LNPK: variants seen among roughly 807,000 people sequenced by gnomAD.
The protein encoded by LNPK is endoplasmic reticulum junction formation protein lunapark.
A neutral mutation model predicts 55.2 loss-of-function variants in LNPK; 29 were observed. That is an observed-to-expected ratio of 0.53 (90% confidence interval 0.39 to 0.72). The LOEUF (loss-of-function observed/expected upper bound fraction) is 0.72. Ranked by LOEUF, LNPK falls within the 30% of genes least tolerant of loss-of-function variation. The probability of loss-of-function intolerance (pLI) is 0.00; values close to 1 mark genes in which losing one functional copy is unlikely to be tolerated. For synonymous variants in LNPK, 162 were observed against 168.2 expected (o/e 0.96, Z 0.29); for missense variants, 467 against 494.8 (o/e 0.94, Z 0.53).
chr2:175,930,023 C>CA lies in LNPK; in HGVS notation c.1230dup (p.Gly411TrpfsTer3). 1 of 1,614,054 alleles carries CA rather than the reference C, an allele frequency of 6.2e-7. No homozygotes were observed. The highest frequency in any genetic ancestry group is 1.1e-5 in the South Asian group (1 of 91,080). ...TCAGGATCAGGAATAGAATCAGCTCCAGGAACTGTGGAGTTGGTTTCAATC... is the reference window on the plus strand; with the variant it reads ...TCAGGATCAGGAATAGAATCAGCTCCAAGGAACTGTGGAGTTGGTTTCAATC... On this transcript the variant is annotated frameshift_variant, in exon 13 of 13. Transcript: ENST00000272748. LOFTEE classifies it high-confidence loss of function.
intron 8 of LNPK, 118 bp downstream of exon 8, chr2:175,964,254 T>C (rs1686215574): frequency 1.4e-6 from 1 of 696,084 alleles, no homozygotes; most frequent in Non-Finnish European, 2.5e-6. Context: ...TTACCAAATA[T>C]AAATTTACAC....
At chr2:175,939,871 T>C (rs1447661461) in intron 9 of LNPK, 2 of 388,338 alleles carry the variant, frequency 5.2e-6, no homozygotes, top group African/African-American at 4.2e-5. Flanking sequence ...ATATTAGAAC[T>C]ACCTTTGCTA....
At chr2:175,999,452 C>T (rs1014268527) in intron 1 of LNPK, among the ~76,000 whole-genome samples, 20 of 152,214 alleles carry the variant, frequency 1.3e-4, no homozygotes, top group African/African-American at 4.3e-4. Context: ...GTATTCTAAC[C>T]TGTTTACAAC....
intron 4 of LNPK, among the ~76,000 whole-genome samples, chr2:175,990,264 T>A (rs1382362440): frequency 1.3e-5 from 2 of 152,006 alleles, no homozygotes; most frequent in African/African-American, 4.8e-5. Flanking sequence ...ATGGCGAGAG[T>A]TTGCCCTCTA....
rs184226632 is a variant in LNPK, at chr2:175,972,978, G to A, written c.317-2174C>T. Among the ~76,000 whole-genome samples the A allele has an allele frequency of 4.6e-5, 7 of 152,200 alleles. No individual in the cohort carries two copies. The East Asian group carries it at 5.8e-4, about 13-fold the overall frequency. ...TCTACTGGAACTATAATTTCACCTCGGATAATGCATCTGCTACAAATTTGT... is the reference window on the plus strand; with the variant it reads ...TCTACTGGAACTATAATTTCACCTCAGATAATGCATCTGCTACAAATTTGT... On this transcript the variant is annotated intron_variant, in intron 5 of 12. Transcript: ENST00000272748.
intron 6 of LNPK, among the ~76,000 whole-genome samples, chr2:175,968,774 G>A (rs981367533): frequency 1.3e-5 from 2 of 151,786 alleles, no homozygotes; most frequent in African/African-American, 2.4e-5. Context: ...CAGATTAAAG[G>A]GATGCATCCC....
chr2:175,972,802 T>C (rs542246981), intron 5 of LNPK, among the ~76,000 whole-genome samples: 1 of 152,358 alleles, frequency 6.6e-6, no homozygotes, highest in South Asian at 2.1e-4. Flanking sequence ...TAAAATTCTA[T>C]TAGATTCTTC....
rs1289542587 is a variant in LNPK at position 175,929,060 on chromosome 2, T to A, written c.*907A>T. The A allele has an allele frequency of 5.1e-6, 5 of 971,076 alleles. No individual in the cohort carries two copies. Among genetic ancestry groups the A allele is most frequent in the African/African-American group, 1.8e-5 (1 of 56,886 alleles). The allele number at this position is 971,076 out of a possible 1,614,324, so 60.2% of individuals were successfully genotyped here. A position where few individuals can be genotyped will look rare whatever the true frequency, so the allele number is the denominator to read the frequency against. Reference sequence around the variant, plus strand: ...GCTATTCCTCCTAAGATTTTTCAGGTAGCCAAGTCACCCACCAAGATACTG... The same window carrying A: ...GCTATTCCTCCTAAGATTTTTCAGGAAGCCAAGTCACCCACCAAGATACTG... On this transcript the variant is annotated 3_prime_UTR_variant, in exon 13 of 13. Coordinates refer to ENST00000272748, the MANE Select transcript of LNPK (RefSeq NM_030650.3).
Position 175,925,124 on chromosome 2 carries a change from A to T in LNPK, c.*4843T>A, listed in dbSNP as rs1414521999. The T allele has an allele frequency of 6.6e-6, 1 of 152,184 alleles. No individual in the cohort carries two copies. The highest frequency in any genetic ancestry group is 1.5e-5 in the Non-Finnish European group (1 of 68,026). 9.4% of individuals were successfully genotyped at this position (152,184 alleles called of 1,614,324 possible). A position where few individuals can be genotyped will look rare whatever the true frequency, so the allele number is the denominator to read the frequency against. On this transcript the variant is annotated 3_prime_UTR_variant, in exon 13 of 13. Coordinates refer to ENST00000272748, the MANE Select transcript of LNPK (RefSeq NM_030650.3). ...CATACTATATTTTATGAAAATCATC[A>T]TATAATCAGAATATCTTTCCCCTGA...
At chr2:175,947,134 C>T (rs928468004) in intron 9 of LNPK, among the ~76,000 whole-genome samples, 3 of 151,976 alleles carry the variant, frequency 2.0e-5, no homozygotes, top group Non-Finnish European at 4.4e-5. Context: ...CAATACATTC[C>T]AAAAGTGTTT....
chr2:175,924,696 A>AG lies in LNPK; in HGVS notation c.*5270_*5271insC. The AG allele has an allele frequency of 4.4e-5, 1 of 22,976 alleles. No homozygotes were observed. Among genetic ancestry groups the AG allele is most frequent in the African/African-American group, 1.5e-4 (1 of 6,846 alleles). The allele number at this position is 22,976 out of a possible 1,614,324, so 1.4% of individuals were successfully genotyped here. A position where few individuals can be genotyped will look rare whatever the true frequency, so the allele number is the denominator to read the frequency against. ...TTACTGAAAAAAAAACAAAACAAAC[A>AG]AAAAAAAAAAACAAAGAAGAAGTTT... On this transcript the variant is annotated 3_prime_UTR_variant, in exon 13 of 13. Coordinates refer to ENST00000272748, the MANE Select transcript of LNPK (RefSeq NM_030650.3).
Position 175,945,818 on chromosome 2 carries a change from G to T in LNPK, c.706+1662C>A, listed in dbSNP as rs145904183. Among the ~76,000 whole-genome samples, 782 of 152,226 alleles carry T rather than the reference G, an allele frequency of 5.1e-3. 8 individuals carry two copies. Among genetic ancestry groups the T allele is most frequent in the African/African-American group, 0.018 (734 of 41,538 alleles). On this transcript the variant is annotated intron_variant, in intron 9 of 12. Transcript: ENST00000272748. ...GCACATGCACCTTTATATGCATGCTGTTATAGACAATGGTAATTAACACAA... is the reference window on the plus strand; with the variant it reads ...GCACATGCACCTTTATATGCATGCTTTTATAGACAATGGTAATTAACACAA...
intron 8 of LNPK, among the ~76,000 whole-genome samples, chr2:175,957,000 C>T (rs1316548069): frequency 8.5e-5 from 13 of 152,118 alleles, no homozygotes; most frequent in Admixed American, 8.5e-4. Context: ...TTATTCCATA[C>T]CTTTTCTTCA....
At position 175,925,427 on chromosome 2, in the gene LNPK, G is replaced by C. The variant is rs1447627523; in HGVS notation, c.*4540C>G. 6.6e-6 allele frequency: 1 copy of C among 152,196 alleles called. No individual in the cohort carries two copies. Among genetic ancestry groups the C allele is most frequent in the Admixed American group, 6.5e-5 (1 of 15,272 alleles). The allele number at this position is 152,196 out of a possible 1,614,324, so 9.4% of individuals were successfully genotyped here. On this transcript the variant is annotated 3_prime_UTR_variant, in exon 13 of 13. Transcript: ENST00000272748. ...CAGAGGAAAAGCTCAAGAAGGCTGG[G>C]AGATGAGAAAAGACTGCATATGCAA...
Position 175,929,715 on chromosome 2 carries a change from G to T in LNPK, c.*252C>A. 2 of 1,296,850 alleles carry T rather than the reference G, an allele frequency of 1.5e-6. No homozygotes were observed. Among genetic ancestry groups the T allele is most frequent in the Non-Finnish European group, 9.8e-7 (1 of 1,024,176 alleles). 80.3% of individuals were successfully genotyped at this position (1,296,850 alleles called of 1,614,324 possible). The stretch of plus-strand genomic sequence containing the variant: ...GCTTACTTTTAGAATGGACAAAAAA[G>T]TATCTAAAAGCTGTCTCAATAGTGT... On this transcript the variant is annotated 3_prime_UTR_variant, in exon 13 of 13. Coordinates refer to ENST00000272748, the MANE Select transcript of LNPK (RefSeq NM_030650.3).
At position 175,995,564 on chromosome 2, in the gene LNPK, T is replaced by C. The variant is rs1250761688; in HGVS notation, c.21A>G (p.Arg7=). The change falls in exon 2 of 13, where the codon CGA becomes CGG. Residue 7 remains arginine, a synonymous_variant. Coordinates refer to ENST00000272748, the MANE Select transcript of LNPK (RefSeq NM_030650.3). ...GTAAAGAAAAGTACCTTACCCTCCATCGAGAAAATAATCCACCCATCTTTT... is the reference window on the plus strand; with the variant it reads ...GTAAAGAAAAGTACCTTACCCTCCACCGAGAAAATAATCCACCCATCTTTT... The part of the protein sequence containing the change: MGGLFS[R]WRTKPSTVEV... The C allele has an allele frequency of 3.1e-6, 5 of 1,610,286 alleles. No individual in the cohort carries two copies. Among genetic ancestry groups the C allele is most frequent in the Non-Finnish European group, 4.2e-6 (5 of 1,177,266 alleles).
intron 4 of LNPK, among the ~76,000 whole-genome samples, chr2:175,986,137 T>C (rs904527921): frequency 6.6e-6 from 1 of 152,192 alleles, no homozygotes; most frequent in African/African-American, 2.4e-5. Flanking sequence ...AATACACTGT[T>C]ATTAGGATGT....
chr2:175,937,636 A>G, intron 11 of LNPK, 122 bp from the exon 12 acceptor site: 2 of 633,296 alleles, frequency 3.2e-6, no homozygotes, highest in Non-Finnish European at 2.7e-6. Context: ...GTTACTGTGT[A>G]TGTTATTTAA....
rs1273105234 is a variant in LNPK at position 175,939,619 on chromosome 2, G to GAATA, written c.741_744dup (p.Leu249TyrfsTer11). 6.2e-7 allele frequency: 1 copy of GAATA among 1,606,584 alleles called. No homozygotes were observed. Among genetic ancestry groups the GAATA allele is most frequent in the East Asian group, 2.2e-5 (1 of 44,724 alleles). ...TCCAAAGCACCTCGTTCTCGGGGGA[G>GAATA]AATAGGTCTTGCTAAAGGTGGACCT... On this transcript the variant is annotated frameshift_variant, in exon 10 of 13. Transcript: ENST00000272748. LOFTEE classifies it high-confidence loss of function.
Sources: gnomAD v4.1 joint callset for allele counts (sites outside exome capture counted in the v4.1 genomes callset) on GRCh38, gnomAD v4.1.1 for gene constraint, MANE v1.5 for transcripts, NCBI Gene and HGNC (gene_info 2026-07-23, HGNC 2026-07-21) for gene names.